The following MRS2 variants were observed in gnomAD, a reference collection of about 807,000 sequenced individuals.
MRS2 encodes the protein magnesium transporter MRS2.
MRS2 carries 40 observed loss-of-function variants against 52.6 expected under a neutral mutation model. The ratio of observed to expected loss-of-function variants is 0.76; its 90% CI spans 0.59 to 0.99. The LOEUF is 0.99. MRS2 is among the 50% of genes least tolerant of loss of function. The pLI is 0.00. For synonymous variants in MRS2, 193 were observed against 195.9 expected (o/e 0.98, Z 0.13); for missense variants, 472 against 532.7 (o/e 0.89, Z 1.12).
intron 3 of MRS2, 86 bp from the exon 4 acceptor site, chr6:24,409,375 G>T: frequency 1.5e-6 from 1 of 669,662 alleles, no homozygotes; most frequent in Non-Finnish European, 2.4e-6. Context: ...AAATTGTCTT[G>T]ATGGTGGTGG....
In MRS2 at chr6:24,403,057, T is replaced by C. The variant is rs368278356; in HGVS notation, c.11T>C (p.Leu4Pro). 3.7e-6 allele frequency: 6 copies of C among 1,606,988 alleles called. No individual in the cohort carries two copies. Among genetic ancestry groups the C allele is most frequent in the African/African-American group, 1.3e-5 (1 of 74,768 alleles). MEC[L>P]RSLPCLLPRA... ...TCTTGCTCCAGCACCATGGAATGCC[T>C]GCGCAGTTTACCCTGCCTCCTGCCC... The change falls in exon 1 of 11, where the codon CTG becomes CCG. Residue 4 changes from leucine (L) to proline (P), a missense_variant. Coordinates refer to ENST00000378386, the MANE Select transcript of MRS2 (RefSeq NM_020662.4).
At chr6:24,419,525 T>G (rs1761973356) in intron 9 of MRS2, among the ~76,000 whole-genome samples, 2 of 152,206 alleles carry the variant, frequency 1.3e-5, no homozygotes, top group South Asian at 4.1e-4. Context: ...TCATTGCAAC[T>G]CTGAAAATAG....
rs748675198 is a variant in MRS2, at chr6:24,423,675, G to A, written c.1313G>A (p.Ser438Asn). 1.9e-6 allele frequency: 3 copies of A among 1,607,234 alleles called. No individual in the cohort carries two copies. Among genetic ancestry groups the A allele is most frequent in the Non-Finnish European group, 2.6e-6 (3 of 1,174,656 alleles). Reference sequence around the variant, plus strand: ...CTGGATGGACTTGGATCAGGAAGGAGCATCCTAACAAACCGTTAGGAACAG... The same window carrying A: ...CTGGATGGACTTGGATCAGGAAGGAACATCCTAACAAACCGTTAGGAACAG... ...LRLDGLGSGR[S>N]ILTNR The change falls in exon 11 of 11, where the codon AGC becomes AAC. Residue 438 changes from serine to asparagine, a missense_variant. Ser to Asn is a conservative substitution (Grantham distance 46, BLOSUM62 1). Transcript: ENST00000378386.
intron 9 of MRS2, 100 bp downstream of exon 9, chr6:24,418,678 C>A: frequency 2.3e-6 from 2 of 866,498 alleles, no homozygotes; most frequent in Non-Finnish European, 3.7e-6. Context: ...GCAGGTGGAT[C>A]ACCTGAGGTC....
At chr6:24,418,329 T>C in intron 8 of MRS2, 93 bp downstream of exon 8, 2 of 1,494,458 alleles carry the variant, frequency 1.3e-6, no homozygotes, top group Admixed American at 4.6e-5. Context: ...ACGCCATCAT[T>C]ATCATCTATA....
At chr6:24,420,750 G>C (rs1762018253) in intron 9 of MRS2, among the ~76,000 whole-genome samples, 2 of 152,142 alleles carry the variant, frequency 1.3e-5, no homozygotes, top group Admixed American at 1.3e-4. Context: ...GGGGGAGAGT[G>C]TTCTAAGTAG....
intron 7 of MRS2, among the ~76,000 whole-genome samples, chr6:24,417,438 G>A (rs2753922): frequency 0.29 from 43,775 of 152,104 alleles, 7,311 homozygotes; most frequent in Middle Eastern, 0.43. Flanking sequence ...CCTGATAGTG[G>A]TATTGGCTTT....
At chr6:24,405,987 C>G (rs1478570211) in intron 2 of MRS2, among the ~76,000 whole-genome samples, 1 of 151,558 alleles carries the variant, frequency 6.6e-6, no homozygotes, top group Non-Finnish European at 1.5e-5. Context: ...CGCCTGTAGT[C>G]CCAGCTACTT....
chr6:24,423,423 C>G lies in MRS2; in HGVS notation c.1222-161C>G, dbSNP rs139843574. ...TTCTTAAAAGATAGAAAATTCACCT[C>G]CATTTTCTTTGTACTTGAAGATGGC... On this transcript the variant is annotated intron_variant, in intron 10 of 10. Transcript: ENST00000378386. The G allele has an allele frequency of 5.1e-4, 249 of 484,342 alleles. 2 individuals are homozygous for G. Among genetic ancestry groups the G allele is most frequent in the Middle Eastern group, 4.8e-3 (10 of 2,082 alleles). The allele number at this position is 484,342 out of a possible 1,614,324, so 30.0% of individuals were successfully genotyped here.
Position 24,411,571 on chromosome 6 carries a change from G to A in MRS2, c.415-651G>A, listed in dbSNP as rs140630298. 3.0e-3 allele frequency among the ~76,000 whole-genome samples: 464 copies of A among 152,152 alleles called. 3 individuals carry two copies. Among genetic ancestry groups the A allele is most frequent in the Middle Eastern group, 0.017 (5 of 294 alleles). ...TTCCAAAAAAGAAAGACGGAGTCTC[G>A]CTCTGTCGCCAGGCTGGAGTGCAGT... On this transcript the variant is annotated intron_variant, in intron 4 of 10. Coordinates refer to ENST00000378386, the MANE Select transcript of MRS2 (RefSeq NM_020662.4).
At chr6:24,410,874 C>G (rs1761625591) in intron 4 of MRS2, 9 of 769,654 alleles carry the variant, frequency 1.2e-5, no homozygotes, top group Admixed American at 5.2e-5. Flanking sequence ...TCACTGCAAT[C>G]TTTCAACTTT....
intron 2 of MRS2, among the ~76,000 whole-genome samples, 161 bp from the exon 3 acceptor site, chr6:24,408,247 C>G (rs1761539105): frequency 6.6e-6 from 1 of 152,152 alleles, no homozygotes; most frequent in Admixed American, 6.5e-5. Context: ...TAACTCATAA[C>G]TGGATTTAAT....
In MRS2 at chr6:24,424,955, G is replaced by T. The variant is rs377717246; in HGVS notation, c.*1261G>T. The T allele has an allele frequency of 5.3e-5, 8 of 152,190 alleles. No individual in the cohort carries two copies. Among genetic ancestry groups the T allele is most frequent in the African/African-American group, 1.9e-4 (8 of 41,418 alleles). 9.4% of individuals were successfully genotyped at this position (152,190 alleles called of 1,614,324 possible). ...AAGTAAGGTTTCCCCACTCCTGTGT[G>T]TGGTCATGGGAAGCCATTAGAGGGA... is the stretch of plus-strand genomic sequence containing the variant. On this transcript the variant is annotated 3_prime_UTR_variant, in exon 11 of 11. Transcript: ENST00000378386.
Position 24,410,746 on chromosome 6 carries a change from A to C in MRS2, c.414+1173A>C, listed in dbSNP as rs1161884097. 4.6e-6 allele frequency: 7 copies of C among 1,532,632 alleles called. No individual in the cohort carries two copies. In the Admixed American group the frequency reaches 1.4e-4, roughly 30 times the overall value. The allele number at this position is 1,532,632 out of a possible 1,614,324, so 94.9% of individuals were successfully genotyped here. ...CTTCAGAAATATTCTCTACTCTTGG[A>C]ATCAGTAGCTAGCATTCTTCAAAAC... On this transcript the variant is annotated intron_variant, in intron 4 of 10. Transcript: ENST00000378386.
At chr6:24,403,904 A>G (rs1371233157) in intron 1 of MRS2, among the ~76,000 whole-genome samples, 2 of 152,216 alleles carry the variant, frequency 1.3e-5, no homozygotes, top group African/African-American at 2.4e-5. Flanking sequence ...ACTTTCAACT[A>G]CAGTACTCTA....
At position 24,415,119 on chromosome 6, in the gene MRS2, TG is replaced by T; in HGVS notation, c.676del (p.Val226Ter). On this transcript the variant is annotated frameshift_variant, in exon 6 of 11. Transcript: ENST00000378386. LOFTEE classifies it high-confidence loss of function. ...CTTTGGTGGACCCCAAACATTCTTC[TG>T]TAGACAGAAGCAAACTGCACATTTT... Reference protein sequence around the residue: ...DALVDPKHSSVDRSKLHILLQ... With the variant: ...DALVDPKHSSXDRSKLHILLQ... 1 of 1,609,422 alleles carries T rather than the reference TG, an allele frequency of 6.2e-7. No homozygotes were observed.
chr6:24,425,419 TA>T lies in MRS2; in HGVS notation c.*1727del, dbSNP rs1434990891. 6.6e-6 allele frequency: 1 copy of T among 152,250 alleles called. No homozygotes were observed. Among genetic ancestry groups the T allele is most frequent in the Non-Finnish European group, 1.5e-5 (1 of 68,042 alleles). The allele number at this position is 152,250 out of a possible 1,614,324, so 9.4% of individuals were successfully genotyped here. ...CATGTCAATAAAAGGAAAAATAATG[TA>T]ACTACCTCATAAGTCTGATAAAAGG... is the stretch of plus-strand genomic sequence containing the variant. On this transcript the variant is annotated 3_prime_UTR_variant, in exon 11 of 11. Coordinates refer to ENST00000378386, the MANE Select transcript of MRS2 (RefSeq NM_020662.4).
chr6:24,405,309 C>A, intron 2 of MRS2, 68 bp downstream of exon 2: 1 of 1,166,866 alleles, frequency 8.6e-7, no homozygotes, highest in Non-Finnish European at 1.3e-6. Context: ...ACTCGTTGGA[C>A]TGTTGGCCAA....
intron 2 of MRS2, among the ~76,000 whole-genome samples, chr6:24,407,181 G>A (rs1205248949): frequency 7.3e-6 from 1 of 137,382 alleles, no homozygotes; most frequent in Non-Finnish European, 1.7e-5. Flanking sequence ...GATTAATATA[G>A]TTTTATGTTA....
Sources: gnomAD v4.1 joint callset for allele counts (sites outside exome capture counted in the v4.1 genomes callset) on GRCh38, gnomAD v4.1.1 for gene constraint, MANE v1.5 for transcripts, NCBI Gene and HGNC (gene_info 2026-07-23, HGNC 2026-07-21) for gene names.